Variants in FAM168A observed in about 807,000 individuals in gnomAD.
FAM168A encodes the protein protein FAM168A.
In FAM168A, 3 loss-of-function variants were observed where a neutral mutation model predicts 28.5. The ratio of observed to expected loss-of-function variants is 0.11; its 90% CI spans 0.05 to 0.27. FAM168A has a LOEUF of 0.27. Among genes scored for constraint, FAM168A ranks in the 10% least tolerant of loss-of-function variants. The probability of loss-of-function intolerance (pLI) is 1.00; values close to 1 mark genes in which losing one functional copy is unlikely to be tolerated. For synonymous variants in FAM168A, 122 were observed against 124.2 expected (o/e 0.98, Z 0.12); for missense variants, 222 against 311.5 (o/e 0.71, Z 2.16).
At chr11:73,521,910 A>G (rs1943385492) in intron 1 of FAM168A, among the ~76,000 whole-genome samples, 1 of 152,208 alleles carries the variant, frequency 6.6e-6, no homozygotes, top group Admixed American at 6.5e-5. Context: ...CCAAAAGACT[A>G]CATGAGGCAC....
At chr11:73,503,480 C>T (rs1217075973) in intron 1 of FAM168A, among the ~76,000 whole-genome samples, 1 of 152,066 alleles carries the variant, frequency 6.6e-6, no homozygotes, top group Non-Finnish European at 1.5e-5. Context: ...AGCTACAAAC[C>T]ACTGCTCAAG....
intron 1 of FAM168A, among the ~76,000 whole-genome samples, chr11:73,482,304 C>T (rs1867978677): frequency 6.7e-6 from 1 of 149,208 alleles, no homozygotes; most frequent in Non-Finnish European, 1.5e-5. Context: ...AAAACCCAAG[C>T]CTCCTGACTT....
At chr11:73,500,863 T>C (rs1854997141) in intron 1 of FAM168A, among the ~76,000 whole-genome samples, 1 of 152,080 alleles carries the variant, frequency 6.6e-6, no homozygotes, top group South Asian at 2.1e-4. Flanking sequence ...GTAAATGGGC[T>C]AAATGCCCCA....
intron 1 of FAM168A, among the ~76,000 whole-genome samples, chr11:73,579,649 A>G (rs1455206211): frequency 1.3e-5 from 2 of 152,230 alleles, no homozygotes; most frequent in African/African-American, 4.8e-5. Context: ...AATATTCCAT[A>G]AATTAACTTT....
intron 1 of FAM168A, among the ~76,000 whole-genome samples, chr11:73,576,704 C>G (rs188454953): frequency 3.5e-4 from 54 of 152,284 alleles, no homozygotes; most frequent in Non-Finnish European, 6.6e-4. Flanking sequence ...TTCTCCACAT[C>G]TTCCTATTTC....
chr11:73,471,192 C>A (rs1260052633), intron 1 of FAM168A, among the ~76,000 whole-genome samples: 1 of 152,096 alleles, frequency 6.6e-6, no homozygotes, highest in East Asian at 1.9e-4. Flanking sequence ...GTTTCAGGGA[C>A]AGGCTAAAAA....
chr11:73,445,277 T>C (rs915422698), intron 2 of FAM168A, among the ~76,000 whole-genome samples: 2 of 151,702 alleles, frequency 1.3e-5, no homozygotes, highest in African/African-American at 4.8e-5. Flanking sequence ...AAAAAAAGAT[T>C]ATATTATCGG....
chr11:73,490,409 C>T (rs1321532076), intron 1 of FAM168A, among the ~76,000 whole-genome samples: 1 of 152,196 alleles, frequency 6.6e-6, no homozygotes, highest in African/African-American at 2.4e-5. Context: ...TGACTTCCTA[C>T]CTCACGCAGT....
At chr11:73,483,934 G>A (rs1868002905) in intron 1 of FAM168A, among the ~76,000 whole-genome samples, 1 of 152,184 alleles carries the variant, frequency 6.6e-6, no homozygotes, top group South Asian at 2.1e-4. Context: ...AGATTGTATG[G>A]GGGAAGTATA....
intron 3 of FAM168A, among the ~76,000 whole-genome samples, chr11:73,426,487 C>A (rs1866886354): frequency 6.6e-6 from 1 of 152,166 alleles, no homozygotes. Context: ...AACCTAAGAG[C>A]CTGGTTCCTT....
intron 1 of FAM168A, among the ~76,000 whole-genome samples, chr11:73,518,804 G>A (rs1943337242): frequency 6.6e-6 from 1 of 152,156 alleles, no homozygotes. Flanking sequence ...GGCTGAGGCA[G>A]GAGAATTGCT....
At chr11:73,557,390 G>GTT (rs1038257830) in intron 1 of FAM168A, among the ~76,000 whole-genome samples, 1 of 146,732 alleles carries the variant, frequency 6.8e-6, no homozygotes, top group Admixed American at 6.8e-5. Context: ...TCCTGGCTAA[G>GTT]TTTTTTTTTT....
At chr11:73,528,839 A>G (rs956724532) in intron 1 of FAM168A, among the ~76,000 whole-genome samples, 1 of 151,976 alleles carries the variant, frequency 6.6e-6, no homozygotes, top group African/African-American at 2.4e-5. Flanking sequence ...GCCCAGGAGC[A>G]ACAACATCAG....
chr11:73,418,707 A>G (rs1866736892), intron 4 of FAM168A, among the ~76,000 whole-genome samples: 1 of 152,206 alleles, frequency 6.6e-6, no homozygotes, highest in Non-Finnish European at 1.5e-5. Flanking sequence ...CTTAAGAGAG[A>G]AGTTCTCACC....
chr11:73,567,859 C>G (rs116188275), intron 1 of FAM168A, among the ~76,000 whole-genome samples: 196 of 152,258 alleles, frequency 1.3e-3, no homozygotes, highest in African/African-American at 4.5e-3. Flanking sequence ...ATAGAAGGAG[C>G]CTGGATCTCT....
chr11:73,425,788 T>C (rs1228832701), intron 3 of FAM168A, among the ~76,000 whole-genome samples: 1 of 152,258 alleles, frequency 6.6e-6, no homozygotes, highest in Non-Finnish European at 1.5e-5. Context: ...GGTCTTACCA[T>C]GTTGCCCAGG....
intron 1 of FAM168A, among the ~76,000 whole-genome samples, chr11:73,588,433 G>A (rs1429241645): frequency 1.3e-5 from 2 of 152,166 alleles, no homozygotes; most frequent in Non-Finnish European, 2.9e-5. Flanking sequence ...GCCCACATCT[G>A]TAATTCCAGC....
chr11:73,579,972 T>C (rs1944224551), intron 1 of FAM168A, among the ~76,000 whole-genome samples: 1 of 152,216 alleles, frequency 6.6e-6, no homozygotes, highest in Non-Finnish European at 1.5e-5. Flanking sequence ...CAAAGTTTCA[T>C]GGATCTGAAC....
At chr11:73,425,738 G>A (rs1034769234) in intron 3 of FAM168A, among the ~76,000 whole-genome samples, 5 of 152,144 alleles carry the variant, frequency 3.3e-5, no homozygotes. Context: ...ATGCCACCAA[G>A]CCTGCCTGTT....
Sources: gnomAD v4.1 joint callset for allele counts (sites outside exome capture counted in the v4.1 genomes callset) on GRCh38, gnomAD v4.1.1 for gene constraint, MANE v1.5 for transcripts, NCBI Gene and HGNC (gene_info 2026-07-23, HGNC 2026-07-21) for gene names.